Variants in PPM1B observed in about 807,000 individuals in gnomAD.
The protein encoded by PPM1B is protein phosphatase 1B.
Under a neutral mutation model 43.0 loss-of-function variants are expected in PPM1B, and 22 were observed. That is an observed-to-expected ratio of 0.51 (90% CI 0.37 to 0.73). PPM1B has a LOEUF of 0.73. Among genes scored for constraint, PPM1B ranks in the 30% least tolerant of loss-of-function variants. PPM1B has a pLI of 0.00. For missense variants in PPM1B, 632 were observed against 584.2 expected (o/e 1.08, Z -0.84); for synonymous variants, 217 against 197.9 (o/e 1.10, Z -0.81).
chr2:44,196,430 G>T (rs1487777222), intron 1 of PPM1B, among the ~76,000 whole-genome samples: 2 of 152,154 alleles, frequency 1.3e-5, no homozygotes, highest in Non-Finnish European at 2.9e-5. Flanking sequence ...ATTAGATTAT[G>T]CCAAGAATAT....
In PPM1B at chr2:44,230,849, T is replaced by C; in HGVS notation, c.*131T>C. ...GTTTTATTATATTCAGATAGCCTTG[T>C]TTTTTAAAAAGGCCTTTGCATACAC... On this transcript the variant is annotated 3_prime_UTR_variant, in exon 6 of 6. Coordinates refer to ENST00000282412, the MANE Select transcript of PPM1B (RefSeq NM_002706.6). 7.0e-7 allele frequency: 1 copy of C among 1,435,430 alleles called. No individual in the cohort carries two copies. The highest frequency in any genetic ancestry group is 9.2e-7 in the Non-Finnish European group (1 of 1,089,292). 88.9% of individuals were successfully genotyped at this position (1,435,430 alleles called of 1,614,324 possible).
At chr2:44,221,780 A>G (rs1422876470) in intron 5 of PPM1B, among the ~76,000 whole-genome samples, 1 of 152,110 alleles carries the variant, frequency 6.6e-6, no homozygotes, top group East Asian at 1.9e-4. Context: ...GACATCTTTT[A>G]AATAAATATT....
In PPM1B at chr2:44,231,300, C is replaced by G; in HGVS notation, c.*582C>G. The G allele has an allele frequency of 2.0e-6, 2 of 979,838 alleles. No individual in the cohort carries two copies. Among genetic ancestry groups the G allele is most frequent in the Non-Finnish European group, 1.2e-6 (1 of 824,930 alleles). 60.7% of individuals were successfully genotyped at this position (979,838 alleles called of 1,614,324 possible). ...GGATGTGTGGCTATTTTTCCTTTCT[C>G]TGTATTCTTTATGAAACATAACTTT... On this transcript the variant is annotated 3_prime_UTR_variant, in exon 6 of 6. Coordinates refer to ENST00000282412, the MANE Select transcript of PPM1B (RefSeq NM_002706.6).
At chr2:44,198,275 C>T (rs1668759686) in intron 1 of PPM1B, among the ~76,000 whole-genome samples, 1 of 152,164 alleles carries the variant, frequency 6.6e-6, no homozygotes, top group Non-Finnish European at 1.5e-5. Flanking sequence ...ATTCTCCTGT[C>T]TCAGCCCCCC....
chr2:44,239,696 A>C (rs976272244), intron 5 of PPM1B, among the ~76,000 whole-genome samples: 1 of 151,992 alleles, frequency 6.6e-6, no homozygotes, highest in African/African-American at 2.4e-5. Flanking sequence ...TTAGAAGTCT[A>C]CCTCCCAAGC....
chr2:44,176,729 G>T (rs1211811339), intron 1 of PPM1B, among the ~76,000 whole-genome samples: 1 of 152,134 alleles, frequency 6.6e-6, no homozygotes, highest in Admixed American at 6.5e-5. Flanking sequence ...AATGCTTGGT[G>T]GTCTTGTGCT....
downstream of PPM1B, chr2:44,232,499 C>T: frequency 6.7e-7 from 1 of 1,487,292 alleles, no homozygotes; most frequent in Non-Finnish European, 8.9e-7. Context: ...ATCATTTGTT[C>T]ATATTTGTGT....
chr2:44,204,655 G>T (rs181757241), intron 2 of PPM1B, among the ~76,000 whole-genome samples: 7 of 151,798 alleles, frequency 4.6e-5, no homozygotes, highest in Non-Finnish European at 8.8e-5. Context: ...TCAGGAGATC[G>T]AGACCATCCT....
chr2:44,229,823 A>T (rs1241664842), intron 5 of PPM1B, among the ~76,000 whole-genome samples: 1 of 152,202 alleles, frequency 6.6e-6, no homozygotes, highest in Non-Finnish European at 1.5e-5. Context: ...GAAAGGATTG[A>T]GTAGTTTATT....
At chr2:44,173,773 T>C (rs1399768458) in intron 1 of PPM1B, among the ~76,000 whole-genome samples, 1 of 152,116 alleles carries the variant, frequency 6.6e-6, no homozygotes, top group Non-Finnish European at 1.5e-5. Flanking sequence ...TGAAACCCTG[T>C]CTTTACCAAA....
intron 1 of PPM1B, among the ~76,000 whole-genome samples, chr2:44,180,098 A>G (rs909298588): frequency 2.0e-5 from 3 of 152,126 alleles, no homozygotes; most frequent in Non-Finnish European, 4.4e-5. Flanking sequence ...GAATGCTTGG[A>G]AGGACAGTAC....
At chr2:44,171,848 A>G (rs902539165) in intron 1 of PPM1B, among the ~76,000 whole-genome samples, 1 of 129,794 alleles carries the variant, frequency 7.7e-6, no homozygotes, top group African/African-American at 2.7e-5. Context: ...AAAAAAAAAA[A>G]AAAAGCTGTA....
At position 44,222,573 on chromosome 2, in the gene PPM1B, C is replaced by G. The variant is rs571947377; in HGVS notation, c.1134+4036C>G. Among the ~76,000 whole-genome samples the G allele has an allele frequency of 2.0e-5, 3 of 152,252 alleles. No individual in the cohort carries two copies. The East Asian group carries it at 5.8e-4, about 29-fold the overall frequency. On this transcript the variant is annotated intron_variant, in intron 5 of 5. Coordinates refer to ENST00000282412, the MANE Select transcript of PPM1B (RefSeq NM_002706.6). ...GTGCCAGGCCCCTTATTTATACACA[C>G]ACAGAGTCATAGGTAATCTTCTCAG...
At chr2:44,232,562 A>G (rs544611256), downstream of PPM1B, 21 of 1,394,168 alleles carry the variant, frequency 1.5e-5, no homozygotes, top group Non-Finnish European at 1.9e-5. Flanking sequence ...TTTTTTGCCA[A>G]CCTCAGGCAT....
At chr2:44,209,384 T>TA (rs746436371) in intron 3 of PPM1B, 57 bp downstream of exon 3, 2 of 1,573,322 alleles carry the variant, frequency 1.3e-6, no homozygotes, top group South Asian at 2.3e-5. Context: ...CTCATGCCTG[T>TA]AATCCTAGCA....
chr2:44,218,561 G>A (rs764973771), intron 5 of PPM1B, 24 bp downstream of exon 5: 16 of 1,484,006 alleles, frequency 1.1e-5, no homozygotes, highest in Non-Finnish European at 1.4e-5. Flanking sequence ...TATTTCATAA[G>A]CATTTGAAGT....
chr2:44,210,812 A>G (rs1669427530), intron 3 of PPM1B, among the ~76,000 whole-genome samples: 1 of 152,154 alleles, frequency 6.6e-6, no homozygotes, highest in Non-Finnish European at 1.5e-5. Flanking sequence ...CGAAGATTAC[A>G]TGACACTACA....
At chr2:44,216,154 A>G (rs1669708026) in intron 3 of PPM1B, among the ~76,000 whole-genome samples, 1 of 152,182 alleles carries the variant, frequency 6.6e-6, no homozygotes, top group African/African-American at 2.4e-5. Flanking sequence ...TGGAGAAGAG[A>G]TTGTATAAAA....
chr2:44,245,625 C>G (rs1670840944), downstream of PPM1B, among the ~76,000 whole-genome samples: 1 of 152,170 alleles, frequency 6.6e-6, no homozygotes, highest in South Asian at 2.1e-4. Flanking sequence ...AACCACCTGC[C>G]TTCTTAATTA....
Sources: gnomAD v4.1 joint callset for allele counts (sites outside exome capture counted in the v4.1 genomes callset) on GRCh38, gnomAD v4.1.1 for gene constraint, MANE v1.5 for transcripts, NCBI Gene and HGNC (gene_info 2026-07-23, HGNC 2026-07-21) for gene names.